The following LDLRAD3 variants were observed in gnomAD, a reference collection of about 807,000 sequenced individuals.
The protein encoded by LDLRAD3 is low-density lipoprotein receptor class A domain-containing protein 3.
A neutral mutation model predicts 29.4 loss-of-function variants in LDLRAD3; 20 were observed. That is an observed-to-expected ratio of 0.68 (90% CI 0.48 to 0.99). The LOEUF is 0.99. Ranked by LOEUF, LDLRAD3 falls within the 50% of genes least tolerant of loss-of-function variation. The probability of loss-of-function intolerance (pLI) is 0.00; values close to 1 mark genes in which losing one functional copy is unlikely to be tolerated. For synonymous variants in LDLRAD3, 157 were observed against 192.7 expected, an observed-to-expected ratio of 0.81 and a Z score of 1.53; for missense variants, 420 against 454.3, an observed-to-expected ratio of 0.92 and a Z score of 0.69.
At chr11:35,984,819 G>A (rs1199592693) in intron 1 of LDLRAD3, among the ~76,000 whole-genome samples, 7 of 151,984 alleles carry the variant, frequency 4.6e-5, no homozygotes, top group African/African-American at 1.7e-4. Context: ...TAGTAGAGAC[G>A]GGGTTTCTCC....
At chr11:36,091,644 T>C (rs1166141905) in intron 3 of LDLRAD3, among the ~76,000 whole-genome samples, 1 of 152,154 alleles carries the variant, frequency 6.6e-6, no homozygotes, top group Admixed American at 6.5e-5. Flanking sequence ...CTGCAGACAA[T>C]TTTTTCCACC....
intron 1 of LDLRAD3, among the ~76,000 whole-genome samples, chr11:36,032,972 T>A (rs2133207304): frequency 6.6e-6 from 1 of 152,028 alleles, no homozygotes; most frequent in East Asian, 1.9e-4. Flanking sequence ...CCTCCCGGGT[T>A]CAAGCGATTC....
chr11:36,067,916 G>T (rs565145686), intron 2 of LDLRAD3, among the ~76,000 whole-genome samples: 7 of 152,032 alleles, frequency 4.6e-5, no homozygotes, highest in African/African-American at 1.7e-4. Flanking sequence ...CAATCCACTC[G>T]TCTTGGCCTC....
chr11:36,023,238 A>G (rs1852120718), intron 1 of LDLRAD3, among the ~76,000 whole-genome samples: 2 of 152,206 alleles, frequency 1.3e-5, no homozygotes, highest in South Asian at 2.1e-4. Flanking sequence ...TTATTTGCTG[A>G]GACATGATGG....
At chr11:36,008,740 T>C (rs1314474840) in intron 1 of LDLRAD3, among the ~76,000 whole-genome samples, 1 of 152,230 alleles carries the variant, frequency 6.6e-6, no homozygotes, top group African/African-American at 2.4e-5. Context: ...TTGTTTTGTC[T>C]TCTTAAGAAA....
At chr11:35,971,547 A>C (rs1851412681) in intron 1 of LDLRAD3, among the ~76,000 whole-genome samples, 1 of 152,216 alleles carries the variant, frequency 6.6e-6, no homozygotes, top group Non-Finnish European at 1.5e-5. Flanking sequence ...ATGTGCAGAC[A>C]CAGTGAGAAG....
intron 4 of LDLRAD3, among the ~76,000 whole-genome samples, chr11:36,207,664 C>T (rs984425964): frequency 6.6e-6 from 1 of 151,830 alleles, no homozygotes; most frequent in African/African-American, 2.4e-5. Flanking sequence ...GGCTTGTATC[C>T]ACAGTGAGAT....
At chr11:36,008,760 T>G (rs934448711) in intron 1 of LDLRAD3, among the ~76,000 whole-genome samples, 1 of 152,180 alleles carries the variant, frequency 6.6e-6, no homozygotes, top group Non-Finnish European at 1.5e-5. Flanking sequence ...ATGAATCCGC[T>G]CTTATTCACT....
intron 4 of LDLRAD3, among the ~76,000 whole-genome samples, chr11:36,200,941 C>T (rs1034308082): frequency 6.6e-6 from 1 of 152,092 alleles, no homozygotes; most frequent in African/African-American, 2.4e-5. Context: ...AGAAGGGATC[C>T]CCAAAACAGG....
intron 2 of LDLRAD3, among the ~76,000 whole-genome samples, chr11:36,068,419 CT>C (rs1286901610): frequency 6.6e-6 from 1 of 152,190 alleles, no homozygotes; most frequent in Non-Finnish European, 1.5e-5. Flanking sequence ...CCATCTTTAT[CT>C]TCCTTTTACA....
chr11:35,952,986 A>G (rs1326007287), intron 1 of LDLRAD3, among the ~76,000 whole-genome samples: 1 of 152,218 alleles, frequency 6.6e-6, no homozygotes, highest in Non-Finnish European at 1.5e-5. Context: ...CTTGTGCGAA[A>G]GTAGGCAGTG....
chr11:36,143,308 C>T (rs553748454), intron 4 of LDLRAD3, among the ~76,000 whole-genome samples: 1 of 152,308 alleles, frequency 6.6e-6, no homozygotes. Flanking sequence ...GAAAGGAAAC[C>T]CAAGGCCTGG....
intron 4 of LDLRAD3, among the ~76,000 whole-genome samples, chr11:36,187,961 A>T (rs72937419): frequency 0.059 from 9,008 of 152,246 alleles, 403 homozygotes; most frequent in Non-Finnish European, 0.081. Flanking sequence ...TTTCACAGTC[A>T]TTATCCTGTT....
intron 4 of LDLRAD3, among the ~76,000 whole-genome samples, chr11:36,195,297 ATAGAAG>A (rs1262426572): frequency 9.9e-4 from 3 of 3,024 alleles, no homozygotes; most frequent in East Asian, 0.14. Flanking sequence ...TTCTAGAAGC[ATAGAAG>A]CATCGTACTA....
chr11:36,068,830 C>T (rs1852843085), intron 2 of LDLRAD3, among the ~76,000 whole-genome samples: 1 of 152,108 alleles, frequency 6.6e-6, no homozygotes, highest in Admixed American at 6.5e-5. Context: ...AACCTAGATG[C>T]TTCTTATCTC....
At chr11:36,100,865 C>T (rs1853436628) in intron 4 of LDLRAD3, among the ~76,000 whole-genome samples, 1 of 152,236 alleles carries the variant, frequency 6.6e-6, no homozygotes, top group Non-Finnish European at 1.5e-5. Flanking sequence ...GCAACACCCT[C>T]TTCTGTGCCC....
chr11:36,182,845 G>A (rs74423519), intron 4 of LDLRAD3, among the ~76,000 whole-genome samples: 1,591 of 152,236 alleles, frequency 0.01, 30 homozygotes, highest in African/African-American at 0.036. Flanking sequence ...TGGAATGACT[G>A]GGGGCTGTGT....
At chr11:36,227,451 A>T (rs1855516687) in intron 5 of LDLRAD3, 21 bp downstream of exon 5, 22 of 1,510,270 alleles carry the variant, frequency 1.5e-5, no homozygotes, top group Non-Finnish European at 1.6e-5. Flanking sequence ...GATGGAAGAG[A>T]TTGAGGCGGG....
At chr11:36,190,361 G>A (rs1411072284) in intron 4 of LDLRAD3, among the ~76,000 whole-genome samples, 1 of 152,166 alleles carries the variant, frequency 6.6e-6, no homozygotes, top group Non-Finnish European at 1.5e-5. Context: ...TTAGTTGGGT[G>A]TGGCGGCACA....
Sources: allele counts gnomAD v4.1 joint callset (sites outside exome capture counted in the v4.1 genomes callset), GRCh38; gene constraint gnomAD v4.1.1; transcripts MANE v1.5; gene names NCBI Gene and HGNC (gene_info 2026-07-23, HGNC 2026-07-21).